The following ADH1B variants were observed in gnomAD, a reference collection of about 807,000 sequenced individuals.
ADH1B encodes alcohol dehydrogenase 1B (class I), beta polypeptide, also known as all-trans-retinol dehydrogenase [NAD(+)] ADH1B.
Under a neutral mutation model 34.6 loss-of-function variants are expected in ADH1B, and 29 were observed. The ratio of observed to expected loss-of-function variants is 0.84; its 90% CI spans 0.62 to 1.14. The LOEUF is 1.14. Among genes scored for constraint, ADH1B ranks in the 50% most tolerant of loss-of-function variants. The probability of loss-of-function intolerance (pLI) is 0.00; values close to 1 mark genes in which losing one functional copy is unlikely to be tolerated. For synonymous variants in ADH1B, 170 were observed against 175.5 expected, an observed-to-expected ratio of 0.97 and a Z score of 0.25; for missense variants, 424 against 468.4, an observed-to-expected ratio of 0.91 and a Z score of 0.87.
In ADH1B at chr4:99,310,765, C is replaced by G; in HGVS notation, c.1103G>C (p.Ser368Thr). The G allele has an allele frequency of 6.2e-7, 1 of 1,606,048 alleles. No individual in the cohort carries two copies. The highest frequency in any genetic ancestry group is 1.3e-5 in the African/African-American group (1 of 74,234). ...AACAGAAAACTAACTTAAAATCTAC[C>G]TTTTCCCAGAGTGAAGCAGGTCAAA... is the stretch of plus-strand genomic sequence containing the variant. Reference protein sequence around the residue: ...EGFDLLHSGKSIRTVLTF With the variant: ...EGFDLLHSGKTIRTVLTF Residue 368 changes from serine (S) to threonine (T), a missense_variant and splice_region_variant, in exon 8 of 9, where the codon AGT (serine) becomes ACT (threonine). By Grantham distance (58) the Ser-to-Thr change is moderately conservative. Coordinates refer to ENST00000305046, the MANE Select transcript of ADH1B (RefSeq NM_000668.6).
At position 99,316,299 on chromosome 4, in the gene ADH1B, TC is replaced by T; in HGVS notation, c.262del (p.Asp88IlefsTer26). On this transcript the variant is annotated frameshift_variant and splice_region_variant, in exon 4 of 9. Transcript: ENST00000305046. LOFTEE classifies it high-confidence loss of function. ...AGGAGTAAAGAGCGGGATGACTTTA[TC>T]ACCTGGAGAGGAATAAAACAAGTTC... ...GEGVTTVKPGDKVIPLFTPQC... is the reference protein window; with the variant it reads ...GEGVTTVKPGXKVIPLFTPQC... 1.2e-6 allele frequency: 2 copies of T among 1,613,568 alleles called. No homozygotes were observed. The highest frequency in any genetic ancestry group is 1.7e-6 in the Non-Finnish European group (2 of 1,179,880).
intron 6 of ADH1B, among the ~76,000 whole-genome samples, chr4:99,311,998 C>G (rs1398255301): frequency 6.6e-6 from 1 of 152,192 alleles, no homozygotes; most frequent in Non-Finnish European, 1.5e-5. Context: ...ACTTGACGGT[C>G]TCCCTCTTAA....
chr4:99,313,475 AAAAT>A (rs1363799310), intron 6 of ADH1B: 4 of 249,688 alleles, frequency 1.6e-5, no homozygotes, highest in South Asian at 1.2e-4. Flanking sequence ...ATGTAGGAGA[AAAAT>A]AAAACATTCC....
intron 1 of ADH1B, chr4:99,320,861 A>G: frequency 7.9e-7 from 1 of 1,261,202 alleles, no homozygotes; most frequent in Non-Finnish European, 1.0e-6. Flanking sequence ...GTTAAAGGAT[A>G]TTTCAGTCTT....
At chr4:99,308,668 T>C (rs1320483701) in intron 8 of ADH1B, among the ~76,000 whole-genome samples, 1 of 152,066 alleles carries the variant, frequency 6.6e-6, no homozygotes, top group Non-Finnish European at 1.5e-5. Context: ...TGTGACTCTT[T>C]AATAATTTTT....
At chr4:99,308,253 A>C (rs10005290) in intron 8 of ADH1B, among the ~76,000 whole-genome samples, 37,570 of 151,186 alleles carry the variant, frequency 0.25, 6,118 homozygotes, top group East Asian at 0.8. Flanking sequence ...ATTTTCTTAA[A>C]CTTCAACCTA....
At chr4:99,316,493 G>A in intron 3 of ADH1B, 191 bp from the exon 4 acceptor site, 1 of 686,054 alleles carries the variant, frequency 1.5e-6, no homozygotes, top group Non-Finnish European at 2.4e-6. Context: ...ATAAGTGCCT[G>A]AGGATTCCTA....
At chr4:99,309,787 C>A (rs552357486) in intron 8 of ADH1B, among the ~76,000 whole-genome samples, 1 of 152,164 alleles carries the variant, frequency 6.6e-6, no homozygotes, top group South Asian at 2.1e-4. Context: ...AGTTTCTGTT[C>A]TCTAAGATAG....
chr4:99,318,883 TTACC>T lies in ADH1B; in HGVS notation c.19-1_21del, dbSNP rs1259231819. The T allele has an allele frequency of 6.2e-7, 1 of 1,613,246 alleles. No homozygotes were observed. Among genetic ancestry groups the T allele is most frequent in the Admixed American group, 1.7e-5 (1 of 59,996 alleles). On this transcript the variant is annotated splice_acceptor_variant and coding_sequence_variant, in exon 2 of 9. Transcript: ENST00000305046. LOFTEE classifies it high-confidence loss of function. Reference sequence around the variant, plus strand: ...CATAGCACAGCTGCTTTGCATTTGATTACCTAGAAAATCAAACAGAGAGATGGTG... The same window carrying T: ...CATAGCACAGCTGCTTTGCATTTGATTAGAAAATCAAACAGAGAGATGGTG...
Position 99,316,228 on chromosome 4 carries a change from A to C in ADH1B, c.334T>G (p.Cys112Gly). 1 of 1,614,220 alleles carries C rather than the reference A, an allele frequency of 6.2e-7. No individual in the cohort carries two copies. The highest frequency in any genetic ancestry group is 8.5e-7 in the Non-Finnish European group (1 of 1,180,034). Reference protein sequence around the residue: ...RVCKNPESNYCLKNDLGNPRG... With the variant: ...RVCKNPESNYGLKNDLGNPRG... Reference sequence around the variant, plus strand: ...TCAGAAACCTACTCATTTTTCAAGCAGTAGTTGCTCTCCGGGTTTTTACAA... The same window carrying C: ...TCAGAAACCTACTCATTTTTCAAGCCGTAGTTGCTCTCCGGGTTTTTACAA... Residue 112 changes from cysteine (C) to glycine (G), a missense_variant, in exon 4 of 9, where the codon TGC becomes GGC. Transcript: ENST00000305046.
chr4:99,311,589 GA>G lies in ADH1B; in HGVS notation c.895del (p.Ser299ProfsTer6). The G allele has an allele frequency of 6.2e-7, 1 of 1,614,100 alleles. No homozygotes were observed. Among genetic ancestry groups the G allele is most frequent in the South Asian group, 1.1e-5 (1 of 91,080 alleles). ...TSVIVGVPPASQNLSINPMLL... is the reference protein window; with the variant it reads ...TSVIVGVPPAXQNLSINPMLL... ...CATAGGGTTTATTGAGAGGTTCTGG[GA>G]AGCAGGAGGTACCCCTACGATGACG... is the stretch of plus-strand genomic sequence containing the variant. On this transcript the variant is annotated frameshift_variant, in exon 7 of 9. Coordinates refer to ENST00000305046, the MANE Select transcript of ADH1B (RefSeq NM_000668.6). LOFTEE classifies it high-confidence loss of function.
chr4:99,317,953 G>T (rs577017683), intron 3 of ADH1B, 93 bp downstream of exon 3: 1 of 1,561,140 alleles, frequency 6.4e-7, no homozygotes, highest in Non-Finnish European at 8.6e-7. Context: ...CCTTGTGCAA[G>T]CACTTTCGTC....
chr4:99,315,696 C>T (rs1733863379), intron 5 of ADH1B: 1 of 655,506 alleles, frequency 1.5e-6, no homozygotes, highest in Non-Finnish European at 2.6e-6. Flanking sequence ...TAAATGACAT[C>T]TTTATTCGTA....
Position 99,317,827 on chromosome 4 carries a change from T to TA in ADH1B, c.259+218dup, listed in dbSNP as rs1733923000. Reference sequence around the variant, plus strand: ...AACCTGGTGCCTGGCTTCTAGTAGATACTCGGTACATAATGGTTGAAGGGT... The same window carrying TA: ...AACCTGGTGCCTGGCTTCTAGTAGATAACTCGGTACATAATGGTTGAAGGGT... On this transcript the variant is annotated intron_variant, in intron 3 of 8. Transcript: ENST00000305046. 22 of 644,578 alleles carry TA rather than the reference T, an allele frequency of 3.4e-5. 1 individual carries two copies. In the South Asian group the frequency reaches 5.0e-4, roughly 15 times the overall value. The allele number at this position is 644,578 out of a possible 1,614,324, so 39.9% of individuals were successfully genotyped here.
chr4:99,318,523 C>T (rs1035675148), intron 2 of ADH1B: 8 of 512,478 alleles, frequency 1.6e-5, no homozygotes, highest in Non-Finnish European at 2.7e-5. Context: ...ATTTTGAAGT[C>T]TTGATATATA....
chr4:99,311,469 A>G (rs754078300), intron 7 of ADH1B, 52 bp downstream of exon 7: 5 of 1,575,900 alleles, frequency 3.2e-6, no homozygotes, highest in East Asian at 4.5e-5. Context: ...ATTGAGATTA[A>G]TGAGATATAT....
intron 5 of ADH1B, 23 bp from the exon 6 acceptor site, chr4:99,314,104 A>G (rs749707610): frequency 9.9e-6 from 16 of 1,610,864 alleles, no homozygotes; most frequent in Admixed American, 1.7e-5. Context: ...AAAATGCAAA[A>G]ATAGATTAAG....
At chr4:99,316,158 G>T in intron 4 of ADH1B, 41 bp from the exon 5 acceptor site, 2 of 1,614,088 alleles carry the variant, frequency 1.2e-6, no homozygotes, top group Non-Finnish European at 1.7e-6. Context: ...GCATGAGACA[G>T]GAGCATAAGT....
intron 6 of ADH1B, among the ~76,000 whole-genome samples, chr4:99,313,294 T>A: frequency 6.6e-6 from 1 of 152,184 alleles, no homozygotes; most frequent in Non-Finnish European, 1.5e-5. Context: ...CCAGTTTCTG[T>A]GATAAAATAC....
Sources: gnomAD v4.1 joint callset for allele counts (sites outside exome capture counted in the v4.1 genomes callset) on GRCh38, gnomAD v4.1.1 for gene constraint, MANE v1.5 for transcripts, NCBI Gene and HGNC (gene_info 2026-07-23, HGNC 2026-07-21) for gene names.